GTF2H5: variants seen among roughly 807,000 people sequenced by gnomAD.
The protein encoded by GTF2H5 is TFB5 ortholog.
Under a neutral mutation model 7.1 loss-of-function variants are expected in GTF2H5, and 5 were observed. The observed-to-expected ratio is 0.71, with a 90% CI of 0.37 to 1.49. GTF2H5 has a LOEUF of 1.49. Ranked by LOEUF, GTF2H5 falls within the 40% of genes most tolerant of loss-of-function variation. The pLI is 0.03. For synonymous variants in GTF2H5, 30 were observed against 31.7 expected (o/e 0.95, Z 0.18); for missense variants, 80 against 83.0 (o/e 0.96, Z 0.14).
chr6:158,169,686 A>ATAAAATATATTGTATAT (rs1785786689), intron 1 of GTF2H5, among the ~76,000 whole-genome samples: 1 of 29,760 alleles, frequency 3.4e-5, no homozygotes, highest in African/African-American at 2.0e-4. Context: ...ATAATATATA[A>ATAAAATATATTGTATAT]TATATATTAT....
intron 2 of GTF2H5, among the ~76,000 whole-genome samples, chr6:158,175,024 G>GTGTGTGTGTGTGTGTGTGTGTATA (rs1785912315): frequency 1.6e-5 from 2 of 124,058 alleles, no homozygotes; most frequent in African/African-American, 9.3e-5. Flanking sequence ...GTGTGTGTGT[G>GTGTGTGTGTGTGTGTGTGTGTATA]TGTGTGTGTG....
At chr6:158,172,334 A>G (rs1171791016) in intron 2 of GTF2H5, among the ~76,000 whole-genome samples, 5 of 149,552 alleles carry the variant, frequency 3.3e-5, no homozygotes, top group Non-Finnish European at 7.4e-5. Context: ...TTTTTTTGAC[A>G]CGGAGTCTTG....
intron 2 of GTF2H5, 61 bp from the exon 3 acceptor site, chr6:158,191,916 C>A: frequency 7.5e-7 from 1 of 1,324,810 alleles, no homozygotes; most frequent in Non-Finnish European, 1.1e-6. Context: ...TTTAATTGCT[C>A]AAGTCTCTGT....
intron 2 of GTF2H5, among the ~76,000 whole-genome samples, chr6:158,184,408 C>G (rs1432800215): frequency 6.6e-6 from 1 of 152,128 alleles, no homozygotes; most frequent in Non-Finnish European, 1.5e-5. Context: ...CCAGTACTCT[C>G]TTTAGACTTT....
chr6:158,169,686 A>ATATAATATATTGTATAT (rs1562469167), intron 1 of GTF2H5, among the ~76,000 whole-genome samples: 40 of 29,718 alleles, frequency 1.3e-3, no homozygotes, highest in Admixed American at 2.5e-3. Context: ...ATAATATATA[A>ATATAATATATTGTATAT]TATATATTAT....
At chr6:158,186,844 TTATTATCTAAAGACCTGGAATCA>T (rs1776933132) in intron 2 of GTF2H5, among the ~76,000 whole-genome samples, 1 of 152,148 alleles carries the variant, frequency 6.6e-6, no homozygotes, top group African/African-American at 2.4e-5. Flanking sequence ...ATTGAAAGAG[TTATTATCTAAAGACCTGGAATCA>T]ATAGAAAGGA....
rs1194023403 is a variant in GTF2H5 at position 158,198,418 on chromosome 6, C to T, written c.*6261C>T. On this transcript the variant is annotated 3_prime_UTR_variant, in exon 3 of 3. Transcript: ENST00000607778. ...CACTGTCCTCAGACATTTACTGAGT[C>T]CAGTTTGGACTTTATTTTATTTTAT... 6.6e-6 allele frequency: 1 copy of T among 152,200 alleles called. No homozygotes were observed. The highest frequency in any genetic ancestry group is 1.5e-5 in the Non-Finnish European group (1 of 68,034). 9.4% of individuals were successfully genotyped at this position (152,200 alleles called of 1,614,324 possible).
rs1398866240 is a variant in GTF2H5 at position 158,169,780 on chromosome 6, GTATATTATATATTA to G, written c.-34-683_-34-670del. Among the ~76,000 whole-genome samples, 6 of 76,180 alleles carry G rather than the reference GTATATTATATATTA, an allele frequency of 7.9e-5. No individual in the cohort carries two copies. The South Asian group carries it at 1.8e-3, about 23-fold the overall frequency. 50.0% of individuals were successfully genotyped at this position (76,180 alleles called of 152,430 possible). On this transcript the variant is annotated intron_variant, in intron 1 of 2. Transcript: ENST00000607778. ...TATTGTATATTATATATAATATATT[GTATATTATATATTA>G]TATATTGTATATTATATATTATATA...
intron 1 of GTF2H5, among the ~76,000 whole-genome samples, chr6:158,169,409 T>C (rs1466172934): frequency 1.3e-5 from 1 of 76,030 alleles, no homozygotes; most frequent in African/African-American, 5.4e-5. Context: ...ATATTGTATA[T>C]TATATATTAT....
At chr6:158,171,637 A>G (rs980526166) in intron 2 of GTF2H5, among the ~76,000 whole-genome samples, 4 of 152,148 alleles carry the variant, frequency 2.6e-5, no homozygotes, top group Non-Finnish European at 4.4e-5. Flanking sequence ...TGGTGGGGAG[A>G]TGCCAGATTG....
Position 158,169,446 on chromosome 6 carries a change from T to TAA in GTF2H5, c.-34-1024_-34-1023insAA, listed in dbSNP as rs1785734335. ...TATAATATATTGTATATTATATATA[T>TAA]TATATATTATATATATTATATTGTA... On this transcript the variant is annotated intron_variant, in intron 1 of 2. Transcript: ENST00000607778. 1.8e-4 allele frequency among the ~76,000 whole-genome samples: 10 copies of TAA among 57,068 alleles called. 1 individual carries two copies. The highest frequency in any genetic ancestry group is 7.9e-4 in the African/African-American group (10 of 12,626). 37.4% of individuals were successfully genotyped at this position (57,068 alleles called of 152,430 possible). A position where few individuals can be genotyped will look rare whatever the true frequency, so the allele number is the denominator to read the frequency against.
At chr6:158,189,537 C>T (rs537306576) in intron 2 of GTF2H5, among the ~76,000 whole-genome samples, 35 of 152,232 alleles carry the variant, frequency 2.3e-4, no homozygotes, top group African/African-American at 8.2e-4. Context: ...CCTTCCTTAC[C>T]CTCGTGCCAG....
Position 158,192,090 on chromosome 6 carries a change from T to G in GTF2H5, c.149T>G (p.Val50Gly). 1 of 1,614,008 alleles carries G rather than the reference T, an allele frequency of 6.2e-7. No homozygotes were observed. The highest frequency in any genetic ancestry group is 8.5e-7 in the Non-Finnish European group (1 of 1,179,920). The change falls in exon 3 of 3, where the codon GTT becomes GGT. Residue 50 changes from valine to glycine, a missense_variant. Physicochemically the swap from Val to Gly is moderately radical, Grantham distance 109. Transcript: ENST00000607778. ...CACGTCTTTGTAATAGCAGAATTGG[T>G]TAATGTCCTCCAGGAGCGAGTGGGT... is the stretch of plus-strand genomic sequence containing the variant. The part of the protein sequence containing the change: ...DTHVFVIAEL[V>G]NVLQERVGEL...
rs1426641182 is a variant in GTF2H5 at position 158,169,434 on chromosome 6, A to G, written c.-34-1036A>G. 1.4e-4 allele frequency among the ~76,000 whole-genome samples: 9 copies of G among 63,576 alleles called. 1 individual carries two copies. Among genetic ancestry groups the G allele is most frequent in the Non-Finnish European group, 1.9e-4 (8 of 41,624 alleles). 41.7% of individuals were successfully genotyped at this position (63,576 alleles called of 152,430 possible). A position where few individuals can be genotyped will look rare whatever the true frequency, so the allele number is the denominator to read the frequency against. On this transcript the variant is annotated intron_variant, in intron 1 of 2. Coordinates refer to ENST00000607778, the MANE Select transcript of GTF2H5 (RefSeq NM_207118.3). Reference sequence around the variant, plus strand: ...TTATATATTATATATAATATATTGTATATTATATATATTATATATTATATA... The same window carrying G: ...TTATATATTATATATAATATATTGTGTATTATATATATTATATATTATATA...
intron 2 of GTF2H5, among the ~76,000 whole-genome samples, chr6:158,189,671 A>G (rs1776988563): frequency 6.6e-6 from 1 of 152,020 alleles, no homozygotes; most frequent in Non-Finnish European, 1.5e-5. Context: ...TGATATTCCC[A>G]TCTGTTCAGA....
At chr6:158,176,181 G>A (rs762730606) in intron 2 of GTF2H5, among the ~76,000 whole-genome samples, 3 of 151,966 alleles carry the variant, frequency 2.0e-5, no homozygotes, top group Non-Finnish European at 2.9e-5. Flanking sequence ...GCTACTAAAC[G>A]TTACATATAC....
At chr6:158,182,125 C>T (rs1489828905) in intron 2 of GTF2H5, among the ~76,000 whole-genome samples, 1 of 152,196 alleles carries the variant, frequency 6.6e-6, no homozygotes, top group East Asian at 1.9e-4. Flanking sequence ...ATTTCTCCTT[C>T]ACTTATGAAG....
chr6:158,180,634 T>A (rs182738880), intron 2 of GTF2H5, among the ~76,000 whole-genome samples: 43 of 152,350 alleles, frequency 2.8e-4, no homozygotes, highest in Admixed American at 5.9e-4. Flanking sequence ...CCATTTCTTC[T>A]ACATTTTCTA....
chr6:158,178,385 A>T (rs892750395), intron 2 of GTF2H5, among the ~76,000 whole-genome samples: 6 of 134,608 alleles, frequency 4.5e-5, no homozygotes, highest in Non-Finnish European at 9.2e-5. Flanking sequence ...TGAACCCAGG[A>T]GGTGGAGCTT....
Sources: gnomAD v4.1 joint callset for allele counts (sites outside exome capture counted in the v4.1 genomes callset) on GRCh38, gnomAD v4.1.1 for gene constraint, MANE v1.5 for transcripts, NCBI Gene and HGNC (gene_info 2026-07-23, HGNC 2026-07-21) for gene names.